The following ERICH1 variants were observed in gnomAD, a reference collection of about 807,000 sequenced individuals.
ERICH1 encodes the protein glutamate-rich protein 1.
ERICH1 carries 56 observed loss-of-function variants against 39.6 expected under a neutral mutation model. That is an observed-to-expected ratio of 1.41 (90% CI 1.14 to 1.77). The LOEUF (loss-of-function observed/expected upper bound fraction) is 1.77. ERICH1 is among the 40% of genes most tolerant of loss of function. ERICH1 has a pLI of 0.00. For synonymous variants in ERICH1, 313 were observed against 223.6 expected (o/e 1.40, Z -3.57); for missense variants, 826 against 575.4 (o/e 1.44, Z -4.45).
At chr8:654,791 T>C (rs1458358342) in intron 3 of ERICH1, among the ~76,000 whole-genome samples, 3 of 152,004 alleles carry the variant, frequency 2.0e-5, no homozygotes, top group Non-Finnish European at 4.4e-5. Context: ...CAGGCAGTGG[T>C]GTCCATGGTG....
chr8:689,027 A>G (rs181907973), intron 3 of ERICH1, among the ~76,000 whole-genome samples: 1 of 152,370 alleles, frequency 6.6e-6, no homozygotes, highest in African/African-American at 2.4e-5. Flanking sequence ...CTGCAATAAA[A>G]GATGAATATG....
intron 3 of ERICH1, among the ~76,000 whole-genome samples, chr8:649,843 A>T (rs1799720187): frequency 1.3e-5 from 2 of 152,230 alleles, no homozygotes; most frequent in East Asian, 3.9e-4. Flanking sequence ...GGGCTCCAGC[A>T]AGAGCTTTCC....
intron 2 of ERICH1, among the ~76,000 whole-genome samples, chr8:706,536 G>A (rs1032913465): frequency 6.6e-6 from 1 of 152,202 alleles, no homozygotes; most frequent in Non-Finnish European, 1.5e-5. Flanking sequence ...CACTTTGGAA[G>A]GCTGAGGTGG....
rs191428933 is a variant in ERICH1, at chr8:622,853, G to C, written c.977-7569C>G. On this transcript the variant is annotated intron_variant, in intron 3 of 3. Coordinates refer to the ERICH1 transcript ENST00000522706. ...CACACCTGTGGTCCCAGCAGCTCAG[G>C]ATGCTGAGGTGGAAGGATTGCTTGA... is the stretch of plus-strand genomic sequence containing the variant. Among the ~76,000 whole-genome samples, 577 of 152,186 alleles carry C rather than the reference G, an allele frequency of 3.8e-3. 2 individuals are homozygous for C. Among genetic ancestry groups the C allele is most frequent in the Middle Eastern group, 0.014 (4 of 294 alleles).
chr8:724,757 C>A (rs1213621661), intron 1 of ERICH1, among the ~76,000 whole-genome samples: 2 of 152,236 alleles, frequency 1.3e-5, no homozygotes, highest in Admixed American at 1.3e-4. Context: ...GCCCAAAGAA[C>A]TTGCAACCCA....
At chr8:686,746 G>A (rs917493971) in intron 3 of ERICH1, 5 of 149,574 alleles carry the variant, frequency 3.3e-5, no homozygotes, top group Non-Finnish European at 4.5e-5. Flanking sequence ...CTGAGCAACA[G>A]GTCTCTCGCA....
At chr8:685,679 CGGTCCCTCCGTTCGG>C (rs1258389882) in intron 3 of ERICH1, among the ~76,000 whole-genome samples, 2 of 152,172 alleles carry the variant, frequency 1.3e-5, no homozygotes, top group African/African-American at 4.8e-5. Flanking sequence ...CGCCTTCAGC[CGGTCCCTCCGTTCGG>C]GGTCCCTGAC....
At chr8:700,708 T>A (rs1317590316) in intron 2 of ERICH1, among the ~76,000 whole-genome samples, 3 of 71,142 alleles carry the variant, frequency 4.2e-5, no homozygotes. Context: ...GAAAAGGTGC[T>A]CAGCGGTGGG....
chr8:615,077 A>G, exon 4 of ERICH1: 1 of 587,140 alleles, frequency 1.7e-6, no homozygotes, highest in Non-Finnish European at 3.0e-6. Flanking sequence ...CGGCCACTGA[A>G]GATCTCAGCT....
intron 3 of ERICH1, among the ~76,000 whole-genome samples, chr8:623,158 A>G (rs1584938559): frequency 6.6e-6 from 1 of 152,258 alleles, no homozygotes; most frequent in East Asian, 1.9e-4. Flanking sequence ...AGACACAAAC[A>G]CTAGCAAACA....
chr8:681,378 G>C (rs71514184), intron 3 of ERICH1, among the ~76,000 whole-genome samples: 5,545 of 152,342 alleles, frequency 0.036, 110 homozygotes, highest in African/African-American at 0.047. Flanking sequence ...ACACGTGCCT[G>C]CATTTGTGGT....
chr8:629,811 G>A (rs1422028782), intron 3 of ERICH1, among the ~76,000 whole-genome samples: 7 of 133,756 alleles, frequency 5.2e-5, no homozygotes, highest in African/African-American at 2.3e-4. Flanking sequence ...ACCCTCCTGT[G>A]AGCACCCACA....
chr8:687,806 G>A (rs955926702), intron 3 of ERICH1, among the ~76,000 whole-genome samples: 31 of 152,170 alleles, frequency 2.0e-4, no homozygotes, highest in Non-Finnish European at 3.7e-4. Context: ...GGCAGCCACG[G>A]AGGAATCGGG....
At chr8:687,833 G>A (rs957795872) in intron 3 of ERICH1, among the ~76,000 whole-genome samples, 1 of 152,160 alleles carries the variant, frequency 6.6e-6, no homozygotes, top group African/African-American at 2.4e-5. Flanking sequence ...GCGCGGAGAG[G>A]CCCCGGATGC....
chr8:677,926 C>T (rs190692681), intron 3 of ERICH1, among the ~76,000 whole-genome samples: 524 of 152,250 alleles, frequency 3.4e-3, no homozygotes, highest in Non-Finnish European at 5.7e-3. Flanking sequence ...TGCCGCTCAT[C>T]GCCAGTGTCG....
intron 3 of ERICH1, among the ~76,000 whole-genome samples, chr8:616,940 G>A (rs1796952921): frequency 1.7e-5 from 1 of 58,228 alleles, no homozygotes; most frequent in East Asian, 1.7e-3. Flanking sequence ...CAGAGAGAGA[G>A]AGGGAGAGGG....
At chr8:684,826 C>T (rs971323283) in intron 3 of ERICH1, among the ~76,000 whole-genome samples, 2 of 152,090 alleles carry the variant, frequency 1.3e-5, no homozygotes, top group African/African-American at 4.8e-5. Flanking sequence ...TTTTTATTAG[C>T]GATTTTCAAA....
chr8:673,540 T>A lies in ERICH1; in HGVS notation c.812A>T (p.Glu271Val). 4.3e-6 allele frequency: 7 copies of A among 1,613,028 alleles called. No homozygotes were observed. The highest frequency in any genetic ancestry group is 5.9e-6 in the Non-Finnish European group (7 of 1,179,828). Residue 271 changes from glutamate (E) to valine (V), a missense_variant, in exon 4 of 6, where the codon GAG (glutamate) becomes GTG (valine). Transcript: ENST00000262109. ...AGEEDVKDAR[E>V]EDGVDTIEED... ...CTCAATGGTGTCCACACCGTCCTCC[T>A]CCCTGGCGTCTTTAACGTCTTCCTC... is the stretch of plus-strand genomic sequence containing the variant.
intron 3 of ERICH1, among the ~76,000 whole-genome samples, chr8:682,773 T>A (rs913346865): frequency 1.1e-4 from 17 of 152,294 alleles, no homozygotes; most frequent in Non-Finnish European, 2.5e-4. Context: ...AAATAACCAG[T>A]CTTCAGATTC....
Sources: gnomAD v4.1 joint callset for allele counts (sites outside exome capture counted in the v4.1 genomes callset) on GRCh38, gnomAD v4.1.1 for gene constraint, MANE v1.5 for transcripts, NCBI Gene and HGNC (gene_info 2026-07-23, HGNC 2026-07-21) for gene names.